ULK4: variants seen among roughly 807,000 people sequenced by gnomAD.
ULK4 encodes unc-51 like kinase 4, also known as inactive serine/threonine-protein kinase ULK4.
Under a neutral mutation model 160.6 loss-of-function variants are expected in ULK4, and 133 were observed. The ratio of observed to expected loss-of-function variants is 0.83; its 90% CI spans 0.72 to 0.96. The LOEUF (loss-of-function observed/expected upper bound fraction) is 0.96, where lower values mean the gene tolerates loss of function less well. Ranked by LOEUF, ULK4 falls within the 40% of genes least tolerant of loss-of-function variation. The pLI is 0.00. For missense variants in ULK4, 1,580 were observed against 1,499.5 expected, an observed-to-expected ratio of 1.05 and a Z score of -0.89; for synonymous variants, 534 against 539.8, an observed-to-expected ratio of 0.99 and a Z score of 0.15.
chr3:41,311,879 T>TATATAG (rs2080056623), intron 35 of ULK4, among the ~76,000 whole-genome samples: 1 of 149,338 alleles, frequency 6.7e-6, no homozygotes, highest in Admixed American at 6.7e-5. Context: ...ACTCTCCTCA[T>TATATAG]ATATATATAT....
intron 32 of ULK4, among the ~76,000 whole-genome samples, chr3:41,496,557 C>A (rs1276521546): frequency 6.6e-6 from 1 of 151,958 alleles, no homozygotes; most frequent in African/African-American, 2.4e-5. Context: ...TTGGAGTTTG[C>A]TGAGGGAGCG....
intron 22 of ULK4, among the ~76,000 whole-genome samples, chr3:41,729,690 A>C (rs1164941561): frequency 6.6e-6 from 1 of 152,230 alleles, no homozygotes; most frequent in African/African-American, 2.4e-5. Context: ...CTGAGCTGCC[A>C]GTCAACCAGC....
chr3:41,500,114 T>A (rs1398406495), intron 32 of ULK4, among the ~76,000 whole-genome samples: 1 of 152,046 alleles, frequency 6.6e-6, no homozygotes, highest in Non-Finnish European at 1.5e-5. Flanking sequence ...TTATCAGTCA[T>A]TTCAAAGATC....
At chr3:41,948,513 T>C (rs890871653) in intron 2 of ULK4, among the ~76,000 whole-genome samples, 1 of 152,040 alleles carries the variant, frequency 6.6e-6, no homozygotes, top group Non-Finnish European at 1.5e-5. Context: ...ATTATCTTAG[T>C]AAAAGCTAGA....
At chr3:41,948,261 G>T (rs1033456650) in intron 2 of ULK4, among the ~76,000 whole-genome samples, 4 of 152,084 alleles carry the variant, frequency 2.6e-5, no homozygotes, top group African/African-American at 9.7e-5. Flanking sequence ...GGGCAGCCTG[G>T]CCAACATGGT....
chr3:41,463,446 T>C (rs2083744655), intron 32 of ULK4, among the ~76,000 whole-genome samples, 193 bp from the exon 33 acceptor site: 1 of 152,170 alleles, frequency 6.6e-6, no homozygotes. Context: ...GAGAGTGTCT[T>C]AGGAAAATAC....
chr3:41,447,129 C>A (rs796673902), intron 34 of ULK4, among the ~76,000 whole-genome samples: 3 of 141,194 alleles, frequency 2.1e-5, no homozygotes, highest in African/African-American at 7.7e-5. Flanking sequence ...CCTTTAAAAA[C>A]CTTTTAATTA....
At chr3:41,632,559 T>C (rs189906375) in intron 30 of ULK4, among the ~76,000 whole-genome samples, 104 of 152,184 alleles carry the variant, frequency 6.8e-4, no homozygotes, top group Non-Finnish European at 1.3e-3. Context: ...TACATAAAGA[T>C]AAAGATCTAT....
intron 35 of ULK4, among the ~76,000 whole-genome samples, chr3:41,356,483 T>C (rs1372558032): frequency 6.6e-6 from 1 of 152,162 alleles, no homozygotes; most frequent in African/African-American, 2.4e-5. Flanking sequence ...AGGAACCATA[T>C]CCTTACTACT....
intron 13 of ULK4, among the ~76,000 whole-genome samples, chr3:41,899,686 T>C (rs750122394): frequency 1.2e-4 from 19 of 152,288 alleles, no homozygotes; most frequent in Non-Finnish European, 1.0e-4. Context: ...CTTCTTCCAA[T>C]GTGGCCCAGG....
intron 31 of ULK4, among the ~76,000 whole-genome samples, chr3:41,595,504 T>C (rs1035765213): frequency 6.6e-6 from 1 of 152,128 alleles, no homozygotes; most frequent in African/African-American, 2.4e-5. Flanking sequence ...ATGCAAAGTG[T>C]GTAGTTAAAA....
chr3:41,525,870 C>G (rs1486840922), intron 32 of ULK4, among the ~76,000 whole-genome samples: 1 of 152,190 alleles, frequency 6.6e-6, no homozygotes, highest in East Asian at 1.9e-4. Flanking sequence ...CCGTCATTGT[C>G]TCTATGCACA....
chr3:41,702,155 GTATTTATT>G (rs916239557), intron 27 of ULK4, among the ~76,000 whole-genome samples: 3 of 151,966 alleles, frequency 2.0e-5, no homozygotes, highest in Non-Finnish European at 2.9e-5. Context: ...ATGTATGTAT[GTATTTATT>G]TATTTATTTA....
At chr3:41,593,406 A>G (rs1035081740) in intron 31 of ULK4, among the ~76,000 whole-genome samples, 1 of 151,306 alleles carries the variant, frequency 6.6e-6, no homozygotes, top group Non-Finnish European at 1.5e-5. Context: ...ACATGCATGC[A>G]CACACACACA....
At chr3:41,865,271 TAAAAAAAAAAAA>T (rs55741060) in intron 17 of ULK4, among the ~76,000 whole-genome samples, 3 of 29,898 alleles carry the variant, frequency 1.0e-4, no homozygotes, top group African/African-American at 4.1e-4. Flanking sequence ...ACTCTGTCTT[TAAAAAAAAAAAA>T]AAAAAAAAAA....
intron 35 of ULK4, among the ~76,000 whole-genome samples, chr3:41,292,571 C>T (rs1045127700): frequency 5.3e-5 from 8 of 150,878 alleles, no homozygotes; most frequent in East Asian, 3.9e-4. Flanking sequence ...TGCTTGAACC[C>T]GGGAGGCAGC....
At chr3:41,771,285 G>A (rs1254118555) in intron 21 of ULK4, among the ~76,000 whole-genome samples, 2 of 152,140 alleles carry the variant, frequency 1.3e-5, no homozygotes, top group African/African-American at 4.8e-5. Flanking sequence ...AATGAGAGAT[G>A]GAGTTCCTAA....
chr3:41,365,511 T>C (rs2081238136), intron 35 of ULK4, among the ~76,000 whole-genome samples: 1 of 152,148 alleles, frequency 6.6e-6, no homozygotes, highest in African/African-American at 2.4e-5. Flanking sequence ...CAACAGCAAT[T>C]AATAGTTTCA....
chr3:41,801,145 G>C (rs2040446764), intron 19 of ULK4, among the ~76,000 whole-genome samples: 1 of 152,018 alleles, frequency 6.6e-6, no homozygotes, highest in South Asian at 2.1e-4. Flanking sequence ...AGAAACAAAA[G>C]ATATAAAAAT....
Sources: gnomAD v4.1 joint callset for allele counts (sites outside exome capture counted in the v4.1 genomes callset) on GRCh38, gnomAD v4.1.1 for gene constraint, MANE v1.5 for transcripts, NCBI Gene and HGNC (gene_info 2026-07-23, HGNC 2026-07-21) for gene names.